DMXL1: variants seen among roughly 807,000 people sequenced by gnomAD.
DMXL1 encodes dmX-like protein 1.
A neutral mutation model predicts 319.2 loss-of-function variants in DMXL1; 99 were observed. The ratio of observed to expected loss-of-function variants is 0.31; its 90% CI spans 0.26 to 0.37. The LOEUF (loss-of-function observed/expected upper bound fraction) is 0.37. DMXL1 is among the 10% of genes least tolerant of loss of function. The pLI, the probability that DMXL1 is intolerant of heterozygous loss-of-function variation, is 1.00. For synonymous variants in DMXL1, 1,385 were observed against 1,235.2 expected, an observed-to-expected ratio of 1.12 and a Z score of -2.54; for missense variants, 3,745 against 3,595.6, an observed-to-expected ratio of 1.04 and a Z score of -1.06.
At chr5:119,193,685 G>T in intron 29 of DMXL1, 143 bp from the exon 30 acceptor site, 1 of 806,924 alleles carries the variant, frequency 1.2e-6, no homozygotes, top group Non-Finnish European at 1.9e-6. Context: ...GATGTCAAAG[G>T]CATAGGATGG....
At chr5:119,213,133 CA>C (rs1299181877) in intron 34 of DMXL1, among the ~76,000 whole-genome samples, 3 of 152,160 alleles carry the variant, frequency 2.0e-5, no homozygotes. Context: ...TGCTCTGTAG[CA>C]AATTTGTTTT....
intron 26 of DMXL1, among the ~76,000 whole-genome samples, chr5:119,176,365 C>T (rs1157114957): frequency 6.6e-6 from 1 of 151,986 alleles, no homozygotes; most frequent in African/African-American, 2.4e-5. Context: ...TTTGAATTTT[C>T]TGTGGGTAGC....
At chr5:119,099,742 C>A (rs1311975040) in intron 2 of DMXL1, among the ~76,000 whole-genome samples, 3 of 152,138 alleles carry the variant, frequency 2.0e-5, no homozygotes. Flanking sequence ...TGGCTCATGC[C>A]TGTAATCCCA....
At chr5:119,163,090 A>C (rs1267783033) in intron 19 of DMXL1, among the ~76,000 whole-genome samples, 1 of 152,228 alleles carries the variant, frequency 6.6e-6, no homozygotes, top group Non-Finnish European at 1.5e-5. Context: ...TTACTGACAT[A>C]AATGATGTTG....
chr5:119,082,696 C>T (rs1752505424), intron 1 of DMXL1, among the ~76,000 whole-genome samples: 1 of 152,196 alleles, frequency 6.6e-6, no homozygotes, highest in African/African-American at 2.4e-5. Flanking sequence ...ATATCCAGCA[C>T]CTTAAATATT....
chr5:119,242,110 A>G (rs959454750), intron 42 of DMXL1, among the ~76,000 whole-genome samples: 4 of 152,000 alleles, frequency 2.6e-5, no homozygotes, highest in East Asian at 1.9e-4. Flanking sequence ...TAGTATCTAC[A>G]TATGTTTTAT....
chr5:119,179,214 T>C (rs193060689), intron 28 of DMXL1, among the ~76,000 whole-genome samples: 12 of 151,908 alleles, frequency 7.9e-5, no homozygotes, highest in Admixed American at 7.9e-4. Flanking sequence ...ATGGAGGGCA[T>C]GAGGAGTAGC....
chr5:119,202,917 T>TTA lies in DMXL1; in HGVS notation c.7746-391_7746-390dup, dbSNP rs1242742505. On this transcript the variant is annotated intron_variant, in intron 32 of 43. Coordinates refer to ENST00000539542, the MANE Select transcript of DMXL1 (RefSeq NM_001290321.3). ...TATATATATATATATTTATATATTT[T>TTA]TATATATATATAATTTCTTACCTTC... Among the ~76,000 whole-genome samples, 13 of 139,110 alleles carry TTA rather than the reference T, an allele frequency of 9.3e-5. No individual in the cohort carries two copies. In the East Asian group the frequency reaches 2.2e-3, roughly 23 times the overall value. 91.3% of individuals were successfully genotyped at this position (139,110 alleles called of 152,430 possible). A position where few individuals can be genotyped will look rare whatever the true frequency, so the allele number is the denominator to read the frequency against.
chr5:119,157,959 A>G (rs899062388), intron 19 of DMXL1, among the ~76,000 whole-genome samples: 4 of 152,306 alleles, frequency 2.6e-5, no homozygotes, highest in Admixed American at 1.3e-4. Flanking sequence ...AATTTTTCCA[A>G]TCTGTGAACA....
chr5:119,071,444 C>T lies in DMXL1; in HGVS notation c.-126C>T, dbSNP rs1749530310. ...GCTGAGCGGCTCCGGCTCCAGGCGC[C>T]TGTCGCTGCTTCTGCCGTCGCCACC... On this transcript the variant is annotated 5_prime_UTR_variant, in exon 1 of 44. Coordinates refer to ENST00000539542, the MANE Select transcript of DMXL1 (RefSeq NM_001290321.3). 5 of 940,852 alleles carry T rather than the reference C, an allele frequency of 5.3e-6. No individual in the cohort carries two copies. The highest frequency in any genetic ancestry group is 1.4e-5 in the South Asian group (1 of 70,132). The allele number at this position is 940,852 out of a possible 1,614,324, so 58.3% of individuals were successfully genotyped here.
chr5:119,081,009 T>G (rs1383159385), intron 1 of DMXL1, among the ~76,000 whole-genome samples: 2 of 152,238 alleles, frequency 1.3e-5, no homozygotes, highest in Non-Finnish European at 2.9e-5. Flanking sequence ...TCTTCCTATT[T>G]GTAGCCTATC....
intron 16 of DMXL1, 44 bp downstream of exon 16, chr5:119,147,000 A>C (rs112070382): frequency 1.3e-6 from 2 of 1,594,756 alleles, no homozygotes; most frequent in African/African-American, 1.4e-5. Flanking sequence ...AATAGGTGTA[A>C]GTTAACAAAT....
Position 119,139,432 on chromosome 5 carries a change from T to C in DMXL1, c.2377-4409T>C, listed in dbSNP as rs527438193. ...CTCAAAATAAAGGGATGGAGAAAAA[T>C]CTACCAAGTAAATGGAAATCAGAAA... On this transcript the variant is annotated intron_variant, in intron 13 of 43. Transcript: ENST00000539542. 6.6e-5 allele frequency among the ~76,000 whole-genome samples: 10 copies of C among 152,110 alleles called. No homozygotes were observed. In the South Asian group the frequency reaches 1.5e-3, roughly 22 times the overall value.
At chr5:119,092,023 G>A (rs145564616) in intron 1 of DMXL1, among the ~76,000 whole-genome samples, 1 of 152,330 alleles carries the variant, frequency 6.6e-6, no homozygotes, top group African/African-American at 2.4e-5. Flanking sequence ...GAAGCTGGCT[G>A]TTCACCATAA....
Position 119,221,047 on chromosome 5 carries a change from T to C in DMXL1, c.8243T>C (p.Leu2748Pro). The C allele has an allele frequency of 1.2e-6, 2 of 1,613,742 alleles. No individual in the cohort carries two copies. The highest frequency in any genetic ancestry group is 1.1e-5 in the South Asian group (1 of 91,068). Residue 2748 changes from leucine (L) to proline (P), a missense_variant, in exon 37 of 44, where the codon CTT (leucine) becomes CCT (proline). Leu to Pro is a moderately conservative substitution (Grantham distance 98, BLOSUM62 -3). Coordinates refer to ENST00000539542, the MANE Select transcript of DMXL1 (RefSeq NM_001290321.3). The part of the protein sequence containing the change: ...NPGTPINMPW[L>P]GSTQTGRGAS... The stretch of plus-strand genomic sequence containing the variant: ...GGCACTCCAATCAACATGCCATGGC[T>C]TGGTAGTACACAGACTGGCAGAGGA...
intron 32 of DMXL1, among the ~76,000 whole-genome samples, 194 bp downstream of exon 32, chr5:119,198,150 G>A (rs1202585819): frequency 1.3e-5 from 2 of 152,038 alleles, no homozygotes; most frequent in African/African-American, 4.8e-5. Context: ...CACCACGCCT[G>A]GTTAATTTTT....
intron 2 of DMXL1, among the ~76,000 whole-genome samples, chr5:119,100,088 A>G (rs1580696326): frequency 6.6e-6 from 1 of 152,140 alleles, no homozygotes; most frequent in South Asian, 2.1e-4. Flanking sequence ...TACAGATATC[A>G]GTATTATCAT....
chr5:119,151,412 T>C (rs957515843), intron 18 of DMXL1, among the ~76,000 whole-genome samples: 12 of 152,176 alleles, frequency 7.9e-5, no homozygotes, highest in African/African-American at 2.9e-4. Context: ...AAAATTAAGT[T>C]GGTTATGAAT....
chr5:119,171,166 G>C lies in DMXL1; in HGVS notation c.6375G>C (p.Lys2125Asn). 1.2e-6 allele frequency: 2 copies of C among 1,613,990 alleles called. No homozygotes were observed. Residue 2125 changes from lysine (K) to asparagine (N), a missense_variant, in exon 24 of 44, where the codon AAG becomes AAC. By Grantham distance (94) the Lys-to-Asn change is moderately conservative. This residue lies in a region of DMXL1 where 1,382 missense variants were observed against 1,269.5 expected (regional missense o/e 1.09). Coordinates refer to ENST00000539542, the MANE Select transcript of DMXL1 (RefSeq NM_001290321.3). ...NFQEKRQWLL[K>N]YQSLLRMFLS... The stretch of plus-strand genomic sequence containing the variant: ...AGGAAAAAAGACAGTGGCTCTTGAA[G>C]TATCAGTCACTTTTGAGAATGTTTC...
Sources: allele counts gnomAD v4.1 joint callset (sites outside exome capture counted in the v4.1 genomes callset), GRCh38; gene constraint gnomAD v4.1.1; regional missense constraint gnomAD v4.1.1; transcripts MANE v1.5; gene names NCBI Gene and HGNC (gene_info 2026-07-23, HGNC 2026-07-21).